Variants in ANXA4 observed in about 807,000 individuals in gnomAD.
ANXA4 encodes the protein annexin A4, also known as 35-beta calcimedin.
ANXA4 carries 39 observed loss-of-function variants against 49.8 expected under a neutral mutation model. That is an observed-to-expected ratio of 0.78 (90% CI 0.61 to 1.02). The LOEUF (loss-of-function observed/expected upper bound fraction) is 1.02. ANXA4 is among the 50% of genes least tolerant of loss of function. The pLI, the probability that ANXA4 is intolerant of heterozygous loss-of-function variation, is 0.00. For missense variants in ANXA4, 360 were observed against 410.1 expected, an observed-to-expected ratio of 0.88 and a Z score of 1.05; for synonymous variants, 134 against 152.5, an observed-to-expected ratio of 0.88 and a Z score of 0.89.
At chr2:69,740,680 CTTTTTTTTT>C (rs3077548), upstream of ANXA4, among the ~76,000 whole-genome samples, 2 of 75,762 alleles carry the variant, frequency 2.6e-5, no homozygotes, top group Non-Finnish European at 4.9e-5. Context: ...CTTTCTTCCT[CTTTTTTTTT>C]TTTTTTTTTT....
intron 3 of ANXA4, among the ~76,000 whole-genome samples, chr2:69,795,534 G>A (rs1303948194): frequency 2.0e-5 from 3 of 152,146 alleles, no homozygotes; most frequent in Non-Finnish European, 2.9e-5. Context: ...CAGGGTCTGA[G>A]GAGGCCCTGC....
At position 69,816,255 on chromosome 2, in the gene ANXA4, C is replaced by T. The variant is rs10173964; in HGVS notation, c.628+61C>T. The T allele has an allele frequency of 0.04, 55,734 of 1,406,316 alleles. 9,453 individuals are homozygous for T. The African/African-American group carries it at 0.4, about 10-fold the overall frequency. The allele number at this position is 1,406,316 out of a possible 1,614,324, so 87.1% of individuals were successfully genotyped here. ...TGAAAGATAGCAAAAACTATATTGC[C>T]CATAAGTAGTTGATAACCTTCCTCC... On this transcript the variant is annotated intron_variant, in intron 9 of 12. Coordinates refer to ENST00000394295, the MANE Select transcript of ANXA4 (RefSeq NM_001153.5).
chr2:69,791,464 A>C (rs540285773), intron 3 of ANXA4, among the ~76,000 whole-genome samples: 2 of 152,366 alleles, frequency 1.3e-5, no homozygotes, highest in South Asian at 2.1e-4. Flanking sequence ...TCCAAATTCT[A>C]CAGGAATTAG....
chr2:69,805,845 A>G (rs1673423563), intron 4 of ANXA4, among the ~76,000 whole-genome samples: 1 of 152,230 alleles, frequency 6.6e-6, no homozygotes, highest in South Asian at 2.1e-4. Context: ...AGAAACTAAA[A>G]CTGAGGGCAT....
chr2:69,803,783 CA>C (rs986400010), intron 3 of ANXA4, among the ~76,000 whole-genome samples: 8 of 148,346 alleles, frequency 5.4e-5, no homozygotes, highest in Admixed American at 2.0e-4. Flanking sequence ...AAGATAAAAA[CA>C]AAAAAAAAGG....
chr2:69,644,334 C>T (rs1412594765), upstream of ANXA4: 1 of 152,190 alleles, frequency 6.6e-6, no homozygotes, highest in Admixed American at 6.5e-5. Flanking sequence ...TGTGGGTTTC[C>T]CGACGTCTCC....
intron 2 of ANXA4, among the ~76,000 whole-genome samples, chr2:69,676,809 C>G (rs1677428936): frequency 6.6e-6 from 1 of 152,074 alleles, no homozygotes; most frequent in Non-Finnish European, 1.5e-5. Flanking sequence ...AGGAGAATTG[C>G]TTGAACCCGG....
At chr2:69,756,554 T>TA (rs1268527887) in intron 1 of ANXA4, among the ~76,000 whole-genome samples, 2 of 152,126 alleles carry the variant, frequency 1.3e-5, no homozygotes, top group African/African-American at 4.8e-5. Context: ...TGACTAGCTT[T>TA]AAAAAAAGCT....
intron 1 of ANXA4, among the ~76,000 whole-genome samples, chr2:69,763,290 T>A (rs1671370096): frequency 6.6e-6 from 1 of 152,118 alleles, no homozygotes; most frequent in Non-Finnish European, 1.5e-5. Context: ...CAGAACAAAG[T>A]GAGACTTTGA....
chr2:69,708,914 TA>T (rs569292795), intron 2 of ANXA4, among the ~76,000 whole-genome samples: 44 of 145,020 alleles, frequency 3.0e-4, no homozygotes, highest in East Asian at 1.4e-3. Context: ...CTACCAAACT[TA>T]AAAAAAAAAA....
intron 3 of ANXA4, among the ~76,000 whole-genome samples, chr2:69,790,904 C>G (rs546431038): frequency 6.6e-6 from 1 of 152,302 alleles, no homozygotes; most frequent in East Asian, 1.9e-4. Flanking sequence ...TTCTCTTTCT[C>G]TAGTCCTCAT....
At chr2:69,760,006 G>A (rs987494751) in intron 1 of ANXA4, among the ~76,000 whole-genome samples, 2 of 151,796 alleles carry the variant, frequency 1.3e-5, no homozygotes, top group African/African-American at 2.4e-5. Flanking sequence ...CTAATTTTTC[G>A]TATTGTTAGT....
chr2:69,721,321 C>T (rs1669806008), intron 3 of ANXA4, among the ~76,000 whole-genome samples: 1 of 152,220 alleles, frequency 6.6e-6, no homozygotes, highest in South Asian at 2.1e-4. Context: ...GTGGGTAGGC[C>T]TGTTAATGAT....
chr2:69,769,810 G>A (rs13025083), intron 1 of ANXA4, among the ~76,000 whole-genome samples: 26,348 of 151,926 alleles, frequency 0.17, 2,803 homozygotes, highest in East Asian at 0.3. Flanking sequence ...TTACAGGCAC[G>A]TGCCACCACA....
chr2:69,659,438 T>C (rs1676629321), intron 2 of ANXA4, among the ~76,000 whole-genome samples: 1 of 152,204 alleles, frequency 6.6e-6, no homozygotes, highest in African/African-American at 2.4e-5. Flanking sequence ...CTTATTTATT[T>C]GTTTATTATC....
At chr2:69,721,334 T>C (rs1377177130) in intron 3 of ANXA4, among the ~76,000 whole-genome samples, 1 of 152,262 alleles carries the variant, frequency 6.6e-6, no homozygotes, top group Non-Finnish European at 1.5e-5. Context: ...TTAATGATTT[T>C]GTTATTTACC....
chr2:69,785,050 G>T (rs1008732199), intron 2 of ANXA4, among the ~76,000 whole-genome samples: 1 of 152,138 alleles, frequency 6.6e-6, no homozygotes, highest in Non-Finnish European at 1.5e-5. Flanking sequence ...TGAGGGGGGA[G>T]ATACAATTCA....
At chr2:69,814,339 A>ATTTT (rs1673856846) in intron 8 of ANXA4, among the ~76,000 whole-genome samples, 1 of 71,554 alleles carries the variant, frequency 1.4e-5, no homozygotes, top group Admixed American at 1.5e-4. Context: ...CCTGTATTTT[A>ATTTT]TTCTTTTTTT....
intron 3 of ANXA4, among the ~76,000 whole-genome samples, chr2:69,729,075 A>G (rs1015022475): frequency 6.6e-6 from 1 of 152,142 alleles, no homozygotes; most frequent in Non-Finnish European, 1.5e-5. Flanking sequence ...GTGCAGTGGC[A>G]CGATCTCGGC....
Sources: gnomAD v4.1 joint callset for allele counts (sites outside exome capture counted in the v4.1 genomes callset) on GRCh38, gnomAD v4.1.1 for gene constraint, MANE v1.5 for transcripts, NCBI Gene and HGNC (gene_info 2026-07-23, HGNC 2026-07-21) for gene names.